The following GRIA4 variants were observed in gnomAD, a reference collection of about 807,000 sequenced individuals.
GRIA4 encodes glutamate receptor 4.
GRIA4 carries 34 observed loss-of-function variants against 104.0 expected under a neutral mutation model. That is an observed-to-expected ratio of 0.33 (90% CI 0.25 to 0.44). The LOEUF (loss-of-function observed/expected upper bound fraction) is 0.44, where lower values mean the gene tolerates loss of function less well. GRIA4 is among the 20% of genes least tolerant of loss of function. The pLI, the probability that GRIA4 is intolerant of heterozygous loss-of-function variation, is 1.00. For synonymous variants in GRIA4, 386 were observed against 381.9 expected, an observed-to-expected ratio of 1.01 and a Z score of -0.13; for missense variants, 750 against 1,096.5, an observed-to-expected ratio of 0.68 and a Z score of 4.46.
chr11:105,948,595 G>GTTTTTTTTTTTTTTTTTTTTTTTTTTGT (rs3060323), intron 14 of GRIA4, among the ~76,000 whole-genome samples: 3 of 87,868 alleles, frequency 3.4e-5, no homozygotes, highest in Non-Finnish European at 6.3e-5. Flanking sequence ...TTTTCTTTTT[G>GTTTTTTTTTTTTTTTTTTTTTTTTTTGT]TTTTTTTTTT....
intron 3 of GRIA4, among the ~76,000 whole-genome samples, chr11:105,691,935 C>CAAA (rs202074069): frequency 0.1 from 7,933 of 75,948 alleles, 534 homozygotes; most frequent in East Asian, 0.18. Flanking sequence ...AACTCCGTCT[C>CAAA]AAAAAAAAAA....
At chr11:105,654,216 G>A (rs1951775572) in intron 3 of GRIA4, among the ~76,000 whole-genome samples, 1 of 151,656 alleles carries the variant, frequency 6.6e-6, no homozygotes, top group Non-Finnish European at 1.5e-5. Flanking sequence ...TGGTGGGGCT[G>A]GAAAGATGTT....
intron 3 of GRIA4, among the ~76,000 whole-genome samples, chr11:105,732,618 C>A (rs769480918): frequency 2.0e-5 from 3 of 152,108 alleles, no homozygotes; most frequent in Non-Finnish European, 4.4e-5. Flanking sequence ...CACTCCAGTG[C>A]CTTCTATTGA....
At chr11:105,688,287 G>C in intron 3 of GRIA4, among the ~76,000 whole-genome samples, 1 of 152,078 alleles carries the variant, frequency 6.6e-6, no homozygotes, top group East Asian at 1.9e-4. Flanking sequence ...GGCTGGGCAC[G>C]GCGGCTCACA....
intron 3 of GRIA4, among the ~76,000 whole-genome samples, chr11:105,695,369 T>C (rs1226125035): frequency 1.3e-5 from 2 of 152,114 alleles, no homozygotes; most frequent in African/African-American, 2.4e-5. Flanking sequence ...GCCAGGCCCA[T>C]GGCCTGGGCC....
At chr11:105,695,754 T>G (rs1266070939) in intron 3 of GRIA4, among the ~76,000 whole-genome samples, 1 of 152,238 alleles carries the variant, frequency 6.6e-6, no homozygotes, top group African/African-American at 2.4e-5. Flanking sequence ...ATTTAGTTGC[T>G]ATTTTTTTAA....
intron 4 of GRIA4, among the ~76,000 whole-genome samples, chr11:105,808,373 G>T (rs1259856270): frequency 6.6e-6 from 1 of 151,988 alleles, no homozygotes; most frequent in Non-Finnish European, 1.5e-5. Context: ...CTGGATCCAA[G>T]GTTGGAAGGC....
At chr11:105,620,220 C>T (rs939541603) in intron 3 of GRIA4, among the ~76,000 whole-genome samples, 2 of 151,852 alleles carry the variant, frequency 1.3e-5, no homozygotes, top group Admixed American at 1.3e-4. Flanking sequence ...GCTGACAACT[C>T]CTTGTTCTTT....
chr11:105,710,383 C>T (rs984253708), intron 3 of GRIA4, among the ~76,000 whole-genome samples: 1 of 152,076 alleles, frequency 6.6e-6, no homozygotes, highest in African/African-American at 2.4e-5. Flanking sequence ...AAAATGAGTT[C>T]TGTTCTCACA....
intron 4 of GRIA4, among the ~76,000 whole-genome samples, chr11:105,804,488 T>C (rs1427599779): frequency 6.6e-6 from 1 of 151,810 alleles, no homozygotes; most frequent in Non-Finnish European, 1.5e-5. Flanking sequence ...ATGCATTGTA[T>C]TGAAAAAGAG....
intron 3 of GRIA4, among the ~76,000 whole-genome samples, chr11:105,676,269 G>A (rs1422865221): frequency 6.6e-6 from 1 of 151,612 alleles, no homozygotes; most frequent in African/African-American, 2.4e-5. Context: ...TATTTTCCAG[G>A]AACCAGCAGC....
intron 14 of GRIA4, among the ~76,000 whole-genome samples, chr11:105,935,218 A>C (rs553803163): frequency 6.6e-6 from 1 of 152,246 alleles, no homozygotes; most frequent in Admixed American, 6.5e-5. Flanking sequence ...ATAATTAGTG[A>C]GGGGTTTTAT....
chr11:105,671,529 T>A (rs1169599252), intron 3 of GRIA4, among the ~76,000 whole-genome samples: 4 of 150,804 alleles, frequency 2.7e-5, no homozygotes, highest in African/African-American at 9.8e-5. Context: ...ATACAAAAAA[T>A]TAGCTGGGTG....
intron 3 of GRIA4, among the ~76,000 whole-genome samples, chr11:105,631,707 C>G (rs1951039975): frequency 6.6e-6 from 1 of 152,114 alleles, no homozygotes; most frequent in Non-Finnish European, 1.5e-5. Context: ...AAAAGTCAGA[C>G]TTGATACTGG....
At chr11:105,805,583 TA>T (rs1942920158) in intron 4 of GRIA4, among the ~76,000 whole-genome samples, 1 of 149,514 alleles carries the variant, frequency 6.7e-6, no homozygotes, top group South Asian at 2.1e-4. Flanking sequence ...AACATCACCA[TA>T]AACTAAATGA....
chr11:105,792,888 T>C (rs1399278708), intron 4 of GRIA4, among the ~76,000 whole-genome samples: 2 of 131,902 alleles, frequency 1.5e-5, no homozygotes, highest in African/African-American at 6.0e-5. Flanking sequence ...CTATGCCAGT[T>C]TGCCAACCAG....
At chr11:105,897,338 A>G (rs1946686250) in intron 6 of GRIA4, among the ~76,000 whole-genome samples, 1 of 152,136 alleles carries the variant, frequency 6.6e-6, no homozygotes, top group African/African-American at 2.4e-5. Flanking sequence ...TTCTAGGTGT[A>G]GGATGACATC....
At chr11:105,967,114 A>G (rs565494570) in intron 14 of GRIA4, among the ~76,000 whole-genome samples, 1 of 152,204 alleles carries the variant, frequency 6.6e-6, no homozygotes, top group African/African-American at 2.4e-5. Context: ...AAAATATCAT[A>G]GAATAACACC....
intron 3 of GRIA4, among the ~76,000 whole-genome samples, chr11:105,737,052 C>A (rs1401547605): frequency 6.6e-6 from 1 of 152,004 alleles, no homozygotes; most frequent in Admixed American, 6.6e-5. Context: ...GCATTCTATT[C>A]TGTAATATTC....
Sources: allele counts gnomAD v4.1 joint callset (sites outside exome capture counted in the v4.1 genomes callset), GRCh38; gene constraint gnomAD v4.1.1; transcripts MANE v1.5; gene names NCBI Gene and HGNC (gene_info 2026-07-23, HGNC 2026-07-21).